Variants in KLK1 observed in about 807,000 individuals in gnomAD.
The protein encoded by KLK1 is kallikrein 1, also known as kallikrein-1.
In KLK1, 22 loss-of-function variants were observed where a neutral mutation model predicts 23.3. The observed-to-expected ratio is 0.95, with a 90% confidence interval of 0.68 to 1.35. KLK1 has a LOEUF of 1.35. KLK1 is among the 40% of genes most tolerant of loss of function. The pLI is 0.00. For synonymous variants in KLK1, 140 were observed against 135.8 expected (o/e 1.03, Z -0.21); for missense variants, 301 against 338.9 (o/e 0.89, Z 0.88).
Position 50,821,796 on chromosome 19 carries a change from G to A in KLK1, c.122C>T (p.Ala41Val). ...CEQHSQPWQA[A>V]LYHFSTFQCG... ...CTGGAAAGTGCTGAAATGGTACAGA[G>A]CCGCCTGCCAGGGCTGGGAATGCTG... The change falls in exon 2 of 5, where the codon GCT becomes GTT. Residue 41 changes from alanine to valine, a missense_variant. Transcript: ENST00000301420. This position sits in a 1 kb window ranked among gnomAD's most constrained non-coding sequence, Gnocchi z 5.6. The A allele has an allele frequency of 6.2e-7, 1 of 1,613,990 alleles. No homozygotes were observed. Among genetic ancestry groups the A allele is most frequent in the Non-Finnish European group, 8.5e-7 (1 of 1,179,992 alleles).
chr19:50,821,091 C>G lies in KLK1; in HGVS notation c.206+621G>C, dbSNP rs987530285. ...CGAGGCCCCCTTCCCTTCCCAGCAC[C>G]CTCCCGCGCGTTTCTCGCCCCGCCT... On this transcript the variant is annotated intron_variant, in intron 2 of 4. Transcript: ENST00000301420. This position sits in a 1 kb window ranked among gnomAD's most constrained non-coding sequence, Gnocchi z 5.6. Among the ~76,000 whole-genome samples, 8 of 152,134 alleles carry G rather than the reference C, an allele frequency of 5.3e-5. No homozygotes were observed. The highest frequency in any genetic ancestry group is 1.0e-4 in the Non-Finnish European group (7 of 68,014).
chr19:50,820,097 C>T lies in KLK1; in HGVS notation c.496+57G>A, dbSNP rs1057287876. On this transcript the variant is annotated intron_variant, in intron 3 of 4. Coordinates refer to ENST00000301420, the MANE Select transcript of KLK1 (RefSeq NM_002257.4). The stretch of plus-strand genomic sequence containing the variant: ...TCACCTGCTTCCCTGGCCCTTTCTC[C>T]CTTGGACGCAGGAGTCCCCATCCCC... 5.0e-6 allele frequency: 8 copies of T among 1,607,840 alleles called. No homozygotes were observed. In the African/African-American group the frequency reaches 8.0e-5, roughly 16 times the overall value.
rs369683833 is a variant in KLK1 at position 50,819,966 on chromosome 19, T to C, written c.566A>G (p.His189Arg). The change falls in exon 4 of 5, where the codon CAC (histidine) becomes CGC (arginine). Residue 189 changes from histidine to arginine, a missense_variant. His to Arg is a conservative substitution (Grantham distance 29, BLOSUM62 0). Coordinates refer to ENST00000301420, the MANE Select transcript of KLK1 (RefSeq NM_002257.4). ...ILPNDECKKA[H>R]VQKVTDFMLC... ...CATGAAGTCTGTCACCTTCTGGACG[T>C]GGGCTTTTTTGCACTCATCATTAGG... 2 of 1,613,936 alleles carry C rather than the reference T, an allele frequency of 1.2e-6. No individual in the cohort carries two copies. Among genetic ancestry groups the C allele is most frequent in the Non-Finnish European group, 1.7e-6 (2 of 1,179,932 alleles).
At chr19:50,820,728 C>T in intron 2 of KLK1, 2 of 308,916 alleles carry the variant, frequency 6.5e-6, no homozygotes, top group Non-Finnish European at 5.9e-6. Flanking sequence ...ACAGGGTGAG[C>T]AAAAAAGAGG....
rs3212827 is a variant in KLK1 at position 50,821,234 on chromosome 19, G to A, written c.206+478C>T. On this transcript the variant is annotated intron_variant, in intron 2 of 4. Transcript: ENST00000301420. This position sits in a 1 kb window ranked among gnomAD's most constrained non-coding sequence, Gnocchi z 5.6. Reference sequence around the variant, plus strand: ...CGGGGAGCTGGACAGAGGGAGAGGCGCCCCCTCCCAGGCACACAAGTTGGG... The same window carrying A: ...CGGGGAGCTGGACAGAGGGAGAGGCACCCCCTCCCAGGCACACAAGTTGGG... Among the ~76,000 whole-genome samples the A allele has an allele frequency of 8.3e-3, 1,264 of 152,276 alleles. 26 individuals carry two copies. The highest frequency in any genetic ancestry group is 0.029 in the African/African-American group (1,195 of 41,550).
intron 4 of KLK1, 141 bp from the exon 5 acceptor site, chr19:50,819,490 GTC>G (rs1568479572): frequency 1.2e-6 from 1 of 826,884 alleles, no homozygotes; most frequent in Non-Finnish European, 1.9e-6. Context: ...AGGGGACAGG[GTC>G]TCCAGTCCTG....
In KLK1 at chr19:50,821,794, G is replaced by C. The variant is rs142231125; in HGVS notation, c.124C>G (p.Leu42Val). 195 of 1,613,980 alleles carry C rather than the reference G, an allele frequency of 1.2e-4. No homozygotes were observed. In the African/African-American group the frequency reaches 2.3e-3, roughly 19 times the overall value. The change falls in exon 2 of 5, where the codon CTG (leucine) becomes GTG (valine). Residue 42 changes from leucine to valine, a missense_variant. Coordinates refer to ENST00000301420, the MANE Select transcript of KLK1 (RefSeq NM_002257.4). This position sits in a 1 kb window ranked among gnomAD's most constrained non-coding sequence, Gnocchi z 5.6. ...CACTGGAAAGTGCTGAAATGGTACA[G>C]AGCCGCCTGCCAGGGCTGGGAATGC... ...EQHSQPWQAA[L>V]YHFSTFQCGG... is the part of the protein sequence containing the mutation.
At chr19:50,822,281 C>T in intron 1 of KLK1, 3 of 997,764 alleles carry the variant, frequency 3.0e-6, no homozygotes, top group Non-Finnish European at 1.2e-6. Context: ...GGATCAGAGG[C>T]TCACTGAGGA....
intron 4 of KLK1, among the ~76,000 whole-genome samples, chr19:50,819,626 G>C (rs1477911647): frequency 6.6e-6 from 1 of 152,180 alleles, no homozygotes; most frequent in East Asian, 1.9e-4. Context: ...GCCCCTGCGG[G>C]CACATCGCAG....
At chr19:50,822,010 A>T in intron 1 of KLK1, 139 bp from the exon 2 acceptor site, 1 of 1,433,708 alleles carries the variant, frequency 7.0e-7, no homozygotes, top group Non-Finnish European at 9.1e-7. Flanking sequence ...GACATGGGCA[A>T]GGGGTGTTGG....
chr19:50,822,121 A>T, intron 1 of KLK1: 2 of 1,189,654 alleles, frequency 1.7e-6, no homozygotes, highest in East Asian at 4.0e-5. Context: ...TCCAGGGATC[A>T]GGGTAGGAGA....
intron 1 of KLK1, among the ~76,000 whole-genome samples, chr19:50,823,398 GC>G (rs1391777245): frequency 6.6e-6 from 1 of 152,110 alleles, no homozygotes; most frequent in African/African-American, 2.4e-5. Flanking sequence ...CCCAGAATCT[GC>G]CCCTTTGGTA....
At chr19:50,823,643 T>A (rs2089842738) in intron 1 of KLK1, 60 bp downstream of exon 1, 1 of 1,142,330 alleles carries the variant, frequency 8.8e-7, no homozygotes, top group Non-Finnish European at 1.3e-6. Flanking sequence ...CGGGGGGGGA[T>A]GTGAGGCCAG....
Position 50,820,004 on chromosome 19 carries a change from G to A in KLK1, c.528C>T (p.Asp176=), listed in dbSNP as rs1482763375. Residue 176 remains aspartate, a synonymous_variant, in exon 4 of 5, where the codon GAC becomes GAT. Coordinates refer to ENST00000301420, the MANE Select transcript of KLK1 (RefSeq NM_002257.4). ...FSFPDDLQCV[D]LKILPNDECK... ...ACTCATCATTAGGCAGGATTTTGAGGTCCACACACTGGAGATCATCTGGAA... is the reference window on the plus strand; with the variant it reads ...ACTCATCATTAGGCAGGATTTTGAGATCCACACACTGGAGATCATCTGGAA... 1 of 1,614,184 alleles carries A rather than the reference G, an allele frequency of 6.2e-7. No individual in the cohort carries two copies. The highest frequency in any genetic ancestry group is 1.1e-5 in the South Asian group (1 of 91,084).
At position 50,820,245 on chromosome 19, in the gene KLK1, A is replaced by C; in HGVS notation, c.405T>G (p.Asp135Glu). 6.2e-7 allele frequency: 1 copy of C among 1,613,556 alleles called. No homozygotes were observed. The highest frequency in any genetic ancestry group is 8.5e-7 in the Non-Finnish European group (1 of 1,179,824). The part of the protein sequence containing the change: ...RLTEPADTIT[D>E]AVKVVELPTE... ...TGGGCAACTCCACGACCTTCACAGC[A>C]TCTGTGATGGTATCAGCAGGCTCTG... is the stretch of plus-strand genomic sequence containing the variant. The change falls in exon 3 of 5, where the codon GAT (aspartate) becomes GAG (glutamate). Residue 135 changes from aspartate to glutamate, a missense_variant. Coordinates refer to ENST00000301420, the MANE Select transcript of KLK1 (RefSeq NM_002257.4).
Position 50,821,236 on chromosome 19 carries a change from C to T in KLK1, c.206+476G>A, listed in dbSNP as rs2089826756. ...GGGAGCTGGACAGAGGGAGAGGCGCCCCCTCCCAGGCACACAAGTTGGGGA... is the reference window on the plus strand; with the variant it reads ...GGGAGCTGGACAGAGGGAGAGGCGCTCCCTCCCAGGCACACAAGTTGGGGA... On this transcript the variant is annotated intron_variant, in intron 2 of 4. Coordinates refer to ENST00000301420, the MANE Select transcript of KLK1 (RefSeq NM_002257.4). This position sits in a 1 kb window ranked among gnomAD's most constrained non-coding sequence, Gnocchi z 5.6. Among the ~76,000 whole-genome samples, 1 of 152,156 alleles carries T rather than the reference C, an allele frequency of 6.6e-6. No individual in the cohort carries two copies. The highest frequency in any genetic ancestry group is 1.5e-5 in the Non-Finnish European group (1 of 68,020).
chr19:50,819,367 G>A lies in KLK1; in HGVS notation c.634-18C>T, dbSNP rs764144997. Reference sequence around the variant, plus strand: ...GAATCACCCTGGGAGCACAAGGTGGGAGGGGAGAGTGAGAAAGGTCTACGG... The same window carrying A: ...GAATCACCCTGGGAGCACAAGGTGGAAGGGGAGAGTGAGAAAGGTCTACGG... On this transcript the variant is annotated intron_variant, in intron 4 of 4. Coordinates refer to ENST00000301420, the MANE Select transcript of KLK1 (RefSeq NM_002257.4). 38 of 1,596,128 alleles carry A rather than the reference G, an allele frequency of 2.4e-5. No homozygotes were observed. The East Asian group carries it at 8.5e-4, about 36-fold the overall frequency.
rs1424904668 is a variant in KLK1, at chr19:50,821,505, C to T, written c.206+207G>A. On this transcript the variant is annotated intron_variant, in intron 2 of 4. Coordinates refer to ENST00000301420, the MANE Select transcript of KLK1 (RefSeq NM_002257.4). This position sits in a 1 kb window ranked among gnomAD's most constrained non-coding sequence, Gnocchi z 5.6. ...ACCAGAACACAGTCACACAGAGACA[C>T]AAGCAGAACCAGATCCCAAGAGACC... Among the ~76,000 whole-genome samples, 1 of 152,016 alleles carries T rather than the reference C, an allele frequency of 6.6e-6. No homozygotes were observed. The highest frequency in any genetic ancestry group is 2.4e-5 in the African/African-American group (1 of 41,376).
intron 1 of KLK1, chr19:50,822,144 T>G (rs1258729028): frequency 2.5e-6 from 3 of 1,179,014 alleles, no homozygotes; most frequent in Non-Finnish European, 3.2e-6. Context: ...GGAGACAGTG[T>G]CTGGAGCAGA....
Sources: gnomAD v4.1 joint callset for allele counts (sites outside exome capture counted in the v4.1 genomes callset) on GRCh38, gnomAD v4.1.1 for gene constraint, Gnocchi (gnomAD v3.1) non-coding constraint, MANE v1.5 for transcripts, NCBI Gene and HGNC (gene_info 2026-07-23, HGNC 2026-07-21) for gene names.